FRMD4A: variants seen among roughly 807,000 people sequenced by gnomAD.
The protein encoded by FRMD4A is FERM domain-containing protein 4A.
A neutral mutation model predicts 129.1 loss-of-function variants in FRMD4A; 29 were observed. The ratio of observed to expected loss-of-function variants is 0.22; its 90% CI spans 0.17 to 0.31. The LOEUF is 0.31. Ranked by LOEUF, FRMD4A falls within the 10% of genes least tolerant of loss-of-function variation. FRMD4A has a pLI of 1.00. For missense variants in FRMD4A, 1,272 were observed against 1,375.8 expected, an observed-to-expected ratio of 0.92 and a Z score of 1.19; for synonymous variants, 634 against 571.6, an observed-to-expected ratio of 1.11 and a Z score of -1.56.
intron 2 of FRMD4A, among the ~76,000 whole-genome samples, chr10:14,254,827 G>T (rs959074119): frequency 7.9e-5 from 12 of 152,112 alleles, no homozygotes; most frequent in African/African-American, 2.6e-4. Flanking sequence ...GTTTTAAGGG[G>T]AAGAGTAGAT....
intron 15 of FRMD4A, among the ~76,000 whole-genome samples, chr10:13,687,938 C>G (rs1255655616): frequency 6.6e-6 from 1 of 152,182 alleles, no homozygotes; most frequent in Non-Finnish European, 1.5e-5. Flanking sequence ...TTCACCACCT[C>G]TAAGGGCCTC....
At chr10:14,278,622 G>A (rs1390126291) in intron 2 of FRMD4A, among the ~76,000 whole-genome samples, 1 of 152,130 alleles carries the variant, frequency 6.6e-6, no homozygotes, top group Non-Finnish European at 1.5e-5. Flanking sequence ...CCAAAGAAGC[G>A]GCACGTGTTA....
chr10:14,056,008 C>T (rs1834511016), intron 2 of FRMD4A, among the ~76,000 whole-genome samples: 2 of 152,258 alleles, frequency 1.3e-5, no homozygotes, highest in Non-Finnish European at 2.9e-5. Flanking sequence ...GATCTCGGCT[C>T]ACTGCAAGCT....
At chr10:13,941,270 C>T (rs192311705) in intron 2 of FRMD4A, among the ~76,000 whole-genome samples, 79 of 152,198 alleles carry the variant, frequency 5.2e-4, no homozygotes, top group African/African-American at 1.8e-3. Context: ...TAAGGGGAAA[C>T]CCCTTTTGCT....
intron 2 of FRMD4A, among the ~76,000 whole-genome samples, chr10:14,129,371 C>T (rs1171172500): frequency 8.7e-5 from 4 of 46,198 alleles, no homozygotes; most frequent in East Asian, 8.1e-4. Context: ...AATTATGATT[C>T]ATATATATAT....
chr10:13,786,518 A>G (rs1356904578), intron 5 of FRMD4A, among the ~76,000 whole-genome samples: 1 of 152,178 alleles, frequency 6.6e-6, no homozygotes, highest in African/African-American at 2.4e-5. Flanking sequence ...AGGCAGGAGA[A>G]TCGCTTGAAC....
intron 2 of FRMD4A, among the ~76,000 whole-genome samples, chr10:14,154,426 T>C (rs1477324507): frequency 2.0e-5 from 3 of 152,192 alleles, no homozygotes; most frequent in African/African-American, 7.2e-5. Context: ...AAATGTATGA[T>C]GTATGGATCC....
intron 2 of FRMD4A, among the ~76,000 whole-genome samples, chr10:14,049,997 G>A (rs977577038): frequency 3.3e-5 from 5 of 152,194 alleles, no homozygotes; most frequent in African/African-American, 9.7e-5. Flanking sequence ...GAGCACCTAC[G>A]ACACGGAGGC....
chr10:14,221,810 C>T (rs1843271184), intron 2 of FRMD4A, among the ~76,000 whole-genome samples: 1 of 152,130 alleles, frequency 6.6e-6, no homozygotes, highest in African/African-American at 2.4e-5. Flanking sequence ...CTGCCTCACC[C>T]TCCCAAAGTG....
At chr10:14,056,789 C>T (rs1415434833) in intron 2 of FRMD4A, among the ~76,000 whole-genome samples, 1 of 152,204 alleles carries the variant, frequency 6.6e-6, no homozygotes, top group Non-Finnish European at 1.5e-5. Flanking sequence ...AAGCTCTTTG[C>T]TGCTTCTTTG....
At chr10:13,929,852 A>T (rs1019180927) in intron 2 of FRMD4A, among the ~76,000 whole-genome samples, 3 of 152,158 alleles carry the variant, frequency 2.0e-5, no homozygotes, top group African/African-American at 7.2e-5. Flanking sequence ...ATTAACTTGA[A>T]CTTTCTTTGT....
At chr10:13,775,724 G>A (rs1204242104) in intron 6 of FRMD4A, among the ~76,000 whole-genome samples, 2 of 152,198 alleles carry the variant, frequency 1.3e-5, no homozygotes, top group Non-Finnish European at 2.9e-5. Flanking sequence ...GCAGGAGGTT[G>A]GAGGAGTCTA....
intron 2 of FRMD4A, among the ~76,000 whole-genome samples, chr10:14,252,596 T>C (rs1478816983): frequency 6.6e-6 from 1 of 152,248 alleles, no homozygotes; most frequent in Non-Finnish European, 1.5e-5. Context: ...CTGGAAATGA[T>C]GGTGAGTTCT....
intron 2 of FRMD4A, among the ~76,000 whole-genome samples, chr10:13,883,475 G>C (rs1225853598): frequency 6.6e-6 from 1 of 152,104 alleles, no homozygotes; most frequent in Non-Finnish European, 1.5e-5. Context: ...CTGGGTGACA[G>C]GGTGAGACTT....
chr10:13,654,846 C>CAAAGA (rs140975359), intron 22 of FRMD4A: 9,601 of 362,346 alleles, frequency 0.026, 587 homozygotes, highest in African/African-American at 0.14. Flanking sequence ...TCTACAGCAG[C>CAAAGA]AAAGAATCTG....
intron 2 of FRMD4A, among the ~76,000 whole-genome samples, chr10:14,293,436 C>A (rs983788371): frequency 1.3e-5 from 2 of 152,110 alleles, no homozygotes; most frequent in Non-Finnish European, 2.9e-5. Context: ...GTTATAGCAA[C>A]ACAAAATGGA....
chr10:13,988,043 A>T (rs1232887906), intron 2 of FRMD4A, among the ~76,000 whole-genome samples: 1 of 152,170 alleles, frequency 6.6e-6, no homozygotes, highest in African/African-American at 2.4e-5. Flanking sequence ...GCTAGAAAAT[A>T]AAAAAAATCT....
chr10:13,726,239 A>G (rs1415649964), intron 12 of FRMD4A, among the ~76,000 whole-genome samples: 1 of 152,204 alleles, frequency 6.6e-6, no homozygotes, highest in Non-Finnish European at 1.5e-5. Context: ...GCACCACTGC[A>G]TTCCAGCCTG....
intron 2 of FRMD4A, among the ~76,000 whole-genome samples, chr10:13,964,459 T>C (rs1305474706): frequency 3.0e-5 from 1 of 33,192 alleles, no homozygotes; most frequent in African/African-American, 1.1e-4. Flanking sequence ...AGGAGTGGCG[T>C]GGAGCTGGAG....
Sources: gnomAD v4.1 joint callset for allele counts (sites outside exome capture counted in the v4.1 genomes callset) on GRCh38, gnomAD v4.1.1 for gene constraint, MANE v1.5 for transcripts, NCBI Gene and HGNC (gene_info 2026-07-23, HGNC 2026-07-21) for gene names.